Variants in POLR1B observed in about 807,000 individuals in gnomAD.
POLR1B encodes DNA-directed RNA polymerase I subunit RPA2.
Under a neutral mutation model 105.8 loss-of-function variants are expected in POLR1B, and 30 were observed. That is an observed-to-expected ratio of 0.28 (90% confidence interval 0.21 to 0.38). POLR1B has a LOEUF of 0.38. POLR1B is among the 10% of genes least tolerant of loss of function. The pLI, the probability that POLR1B is intolerant of heterozygous loss-of-function variation, is 1.00. For synonymous variants in POLR1B, 485 were observed against 505.1 expected, an observed-to-expected ratio of 0.96 and a Z score of 0.53; for missense variants, 976 against 1,435.8, an observed-to-expected ratio of 0.68 and a Z score of 5.17.
At chr2:112,542,409 G>T (rs1399105439), upstream of POLR1B, 1 of 1,612,104 alleles carries the variant, frequency 6.2e-7, no homozygotes, top group South Asian at 1.1e-5. Flanking sequence ...GCGGAAACGG[G>T]ACTGCGGCCA....
At chr2:112,565,546 T>C (rs1416954519) in intron 10 of POLR1B, among the ~76,000 whole-genome samples, 3 of 151,982 alleles carry the variant, frequency 2.0e-5, no homozygotes, top group African/African-American at 7.2e-5. Context: ...TAATGCTCTC[T>C]TTTTTTTCTT....
At chr2:112,572,838 T>C in intron 13 of POLR1B, 80 bp downstream of exon 13, 1 of 1,304,686 alleles carries the variant, frequency 7.7e-7, no homozygotes, top group South Asian at 1.5e-5. Context: ...TGAAGGAATA[T>C]TTTTGTGTAC....
In POLR1B at chr2:112,575,465, T is replaced by C. The variant is rs780954558; in HGVS notation, c.3144T>C (p.His1048=). ...TGGAACGGGATGCGCTTTTAGCTCA[T>C]GGTACATCTTTTCTCCTTCATGACC... ...GEMERDALLA[H]GTSFLLHDRL... The change falls in exon 15 of 15, where the codon CAT becomes CAC. Residue 1048 remains histidine, a synonymous_variant. Coordinates refer to ENST00000263331, the MANE Select transcript of POLR1B (RefSeq NM_019014.6). The surrounding 1 kb of genome is among the most constrained non-coding windows in gnomAD (Gnocchi z 5.3). 1.9e-6 allele frequency: 3 copies of C among 1,614,196 alleles called. No homozygotes were observed. Among genetic ancestry groups the C allele is most frequent in the South Asian group, 2.2e-5 (2 of 91,088 alleles).
chr2:112,569,409 T>C (rs1201626471), intron 12 of POLR1B, among the ~76,000 whole-genome samples: 1 of 152,196 alleles, frequency 6.6e-6, no homozygotes, highest in Admixed American at 6.5e-5. Flanking sequence ...ATGTCTTTAT[T>C]TTGCTTCACT....
At chr2:112,567,266 G>A (rs771978267) in intron 10 of POLR1B, among the ~76,000 whole-genome samples, 2 of 152,034 alleles carry the variant, frequency 1.3e-5, no homozygotes, top group Admixed American at 1.3e-4. Context: ...GCATCTAGCT[G>A]TGAATCCCCA....
intron 7 of POLR1B, among the ~76,000 whole-genome samples, chr2:112,556,018 A>G (rs1683639763): frequency 6.6e-6 from 1 of 152,210 alleles, no homozygotes; most frequent in East Asian, 1.9e-4. Context: ...AAGGAAGTAG[A>G]CATAGTTATG....
At chr2:112,566,771 C>T (rs1455453299) in intron 10 of POLR1B, among the ~76,000 whole-genome samples, 4 of 149,800 alleles carry the variant, frequency 2.7e-5, no homozygotes, top group East Asian at 2.0e-4. Flanking sequence ...CTCGCTCTGT[C>T]GCCCAGGCTG....
In POLR1B at chr2:112,578,938, T is replaced by C. The variant is rs1312294431; in HGVS notation, c.*3209T>C. On this transcript the variant is annotated 3_prime_UTR_variant, in exon 15 of 15. Coordinates refer to ENST00000263331, the MANE Select transcript of POLR1B (RefSeq NM_019014.6). Reference sequence around the variant, plus strand: ...ATAAAGCAAAACTGGCTGGGTGCGGTGGTGCACACCTGTAATCCCAGGACT... The same window carrying C: ...ATAAAGCAAAACTGGCTGGGTGCGGCGGTGCACACCTGTAATCCCAGGACT... Among the ~76,000 whole-genome samples, 1 of 151,892 alleles carries C rather than the reference T, an allele frequency of 6.6e-6. No homozygotes were observed. The highest frequency in any genetic ancestry group is 2.4e-5 in the African/African-American group (1 of 41,398).
chr2:112,542,871 A>C (rs781747293), intron 1 of POLR1B, 200 bp downstream of exon 1: 2 of 650,726 alleles, frequency 3.1e-6, no homozygotes, highest in Non-Finnish European at 5.2e-6. Flanking sequence ...TAAGAGATGT[A>C]TTCGTGATTC....
intron 10 of POLR1B, among the ~76,000 whole-genome samples, chr2:112,567,452 T>A (rs1684346215): frequency 6.6e-6 from 1 of 152,088 alleles, no homozygotes; most frequent in Admixed American, 6.6e-5. Flanking sequence ...TGATCATGGC[T>A]CACTGCAGCC....
chr2:112,542,456 G>A (rs1175511463), upstream of POLR1B: 3 of 1,608,728 alleles, frequency 1.9e-6, no homozygotes, highest in African/African-American at 1.3e-5. Flanking sequence ...GGCGTCCGGC[G>A]TGTACCGAGA....
At chr2:112,559,179 A>G (rs1683827128) in intron 8 of POLR1B, 114 bp from the exon 9 acceptor site, 4 of 1,207,212 alleles carry the variant, frequency 3.3e-6, no homozygotes, top group Non-Finnish European at 4.7e-6. Flanking sequence ...TAAATGTTGT[A>G]ATAATTCATT....
At chr2:112,559,720 T>C in intron 9 of POLR1B, 146 bp downstream of exon 9, 1 of 950,444 alleles carries the variant, frequency 1.1e-6, no homozygotes, top group Non-Finnish European at 1.6e-6. Context: ...AAGCTCTGCC[T>C]CCTAGGTTCA....
chr2:112,572,186 C>T (rs991540608), intron 12 of POLR1B, among the ~76,000 whole-genome samples: 1 of 152,180 alleles, frequency 6.6e-6, no homozygotes, highest in Non-Finnish European at 1.5e-5. Flanking sequence ...TTTTCTTCCC[C>T]GAGTAGTGAT....
chr2:112,572,524 A>G (rs1684646939), intron 12 of POLR1B, 38 bp from the exon 13 acceptor site: 3 of 1,454,314 alleles, frequency 2.1e-6, no homozygotes, highest in Admixed American at 4.5e-5. Context: ...TCAAGATGAA[A>G]GCAGCAGAAA....
intron 11 of POLR1B, among the ~76,000 whole-genome samples, chr2:112,568,486 A>G (rs183269362): frequency 2.6e-4 from 39 of 152,326 alleles, no homozygotes; most frequent in Admixed American, 2.5e-3. Flanking sequence ...GCAAAATTAT[A>G]GGCTTTGTGC....
rs1425184955 is a variant in POLR1B, at chr2:112,547,189, A to C, written c.345+10A>C. On this transcript the variant is annotated intron_variant, in intron 2 of 14. Coordinates refer to ENST00000263331, the MANE Select transcript of POLR1B (RefSeq NM_019014.6). ...CCGTGGGAAGTTGACAGTGAGTACT[A>C]GTGATACTGTGTGACTCTCAACACT... 1.2e-5 allele frequency: 20 copies of C among 1,613,586 alleles called. No individual in the cohort carries two copies. The highest frequency in any genetic ancestry group is 1.7e-5 in the Non-Finnish European group (20 of 1,179,578).
chr2:112,579,208 C>CAAAAAAAAAAA lies in POLR1B; in HGVS notation c.*3501_*3511dup, dbSNP rs56190123. The stretch of plus-strand genomic sequence containing the variant: ...GGGCAACAGAGCAAGACTAGAGTCT[C>CAAAAAAAAAAA]AAAAAAAAAAAAAAAAAAAAAAAAA... On this transcript the variant is annotated 3_prime_UTR_variant, in exon 15 of 15. Transcript: ENST00000263331. Among the ~76,000 whole-genome samples, 4 of 58,694 alleles carry CAAAAAAAAAAA rather than the reference C, an allele frequency of 6.8e-5. No homozygotes were observed. Among genetic ancestry groups the CAAAAAAAAAAA allele is most frequent in the Admixed American group, 3.0e-4 (1 of 3,388 alleles). 38.5% of individuals were successfully genotyped at this position (58,694 alleles called of 152,430 possible). A position where few individuals can be genotyped will look rare whatever the true frequency, so the allele number is the denominator to read the frequency against.
Position 112,552,666 on chromosome 2 carries a change from G to A in POLR1B, c.1008G>A (p.Leu336=), listed in dbSNP as rs1490793022. ...ACAGCCAGTGCATCTGTATCCACTT[G>A]AAATCCAATACTGAAAAGTTTTATA... ...FLFNQCICIH[L]KSNTEKFYML... The change falls in exon 7 of 15, where the codon TTG becomes TTA. Residue 336 remains leucine, a synonymous_variant. Coordinates refer to ENST00000263331, the MANE Select transcript of POLR1B (RefSeq NM_019014.6). The A allele has an allele frequency of 6.3e-7, 1 of 1,585,604 alleles. No homozygotes were observed. Among genetic ancestry groups the A allele is most frequent in the Non-Finnish European group, 8.6e-7 (1 of 1,168,300 alleles).
Sources: gnomAD v4.1 joint callset for allele counts (sites outside exome capture counted in the v4.1 genomes callset) on GRCh38, gnomAD v4.1.1 for gene constraint, Gnocchi (gnomAD v3.1) non-coding constraint, MANE v1.5 for transcripts, NCBI Gene and HGNC (gene_info 2026-07-23, HGNC 2026-07-21) for gene names.